ATG2B: variants seen among roughly 807,000 people sequenced by gnomAD.
ATG2B encodes the protein autophagy related 2B, also known as autophagy-related protein 2 homolog B.
Under a neutral mutation model 241.3 loss-of-function variants are expected in ATG2B, and 121 were observed. The ratio of observed to expected loss-of-function variants is 0.50; its 90% CI spans 0.43 to 0.58. ATG2B has a LOEUF of 0.58. Ranked by LOEUF, ATG2B falls within the 20% of genes least tolerant of loss-of-function variation. ATG2B has a pLI of 0.00. For missense variants in ATG2B, 2,306 were observed against 2,491.6 expected (o/e 0.93, Z 1.59); for synonymous variants, 858 against 876.6 (o/e 0.98, Z 0.37).
chr14:96,285,597 G>T lies in ATG2B; in HGVS notation c.*158C>A. On this transcript the variant is annotated 3_prime_UTR_variant, in exon 42 of 42. Coordinates refer to ENST00000359933, the MANE Select transcript of ATG2B (RefSeq NM_018036.7). The surrounding 1 kb of genome is among the most constrained non-coding windows in gnomAD (Gnocchi z 4.2). ...TCAACTATAAATGTCAGAAGTTTTT[G>T]GTTGCATGTTGTTTTGATGTTAAAT... 2 of 662,210 alleles carry T rather than the reference G, an allele frequency of 3.0e-6. No homozygotes were observed. The highest frequency in any genetic ancestry group is 2.0e-5 in the South Asian group (1 of 49,934). 41.0% of individuals were successfully genotyped at this position (662,210 alleles called of 1,614,324 possible).
At chr14:96,294,881 T>A in intron 36 of ATG2B, 79 bp downstream of exon 36, 3 of 1,293,206 alleles carry the variant, frequency 2.3e-6, no homozygotes, top group Non-Finnish European at 3.3e-6. Context: ...AACCTCATGA[T>A]TACCAGCACA....
In ATG2B at chr14:96,302,104, G is replaced by A. The variant is rs1230946744; in HGVS notation, c.5042C>T (p.Thr1681Ile). 1.9e-6 allele frequency: 3 copies of A among 1,606,194 alleles called. No homozygotes were observed. The highest frequency in any genetic ancestry group is 2.6e-6 in the Non-Finnish European group (3 of 1,173,556). Reference sequence around the variant, plus strand: ...TGGACACACGTGTAAGGCTTTCACTGTCAACTACAAGGCAAGAAAGAGAAT... The same window carrying A: ...TGGACACACGTGTAAGGCTTTCACTATCAACTACAAGGCAAGAAAGAGAAT... ...MPRKAHSNML[T>I]VKALHVCPES... Residue 1681 changes from threonine (T) to isoleucine (I), a missense_variant, in exon 34 of 42, where the codon ACA becomes ATA. Around this residue, in one of 2 missense-constraint regions of ATG2B, gnomAD observed 1,927 missense variants for 2,011.2 expected, o/e 0.96. Transcript: ENST00000359933.
At chr14:96,358,675 T>C (rs986713655) in intron 1 of ATG2B, among the ~76,000 whole-genome samples, 3 of 152,124 alleles carry the variant, frequency 2.0e-5, no homozygotes, top group Admixed American at 6.5e-5. Context: ...AGTATATGAG[T>C]AGTAAAAATT....
chr14:96,315,258 G>T, intron 22 of ATG2B, 24 bp from the exon 23 acceptor site: 1 of 1,602,320 alleles, frequency 6.2e-7, no homozygotes, highest in South Asian at 1.1e-5. Context: ...GACAAAGAAT[G>T]ACATTTACCA....
At chr14:96,339,212 A>C (rs942474341) in intron 6 of ATG2B, among the ~76,000 whole-genome samples, 4 of 152,074 alleles carry the variant, frequency 2.6e-5, no homozygotes, top group Admixed American at 2.6e-4. Context: ...TATGGAAAGC[A>C]GTATGGAAAT....
Position 96,322,687 on chromosome 14 carries a change from T to C in ATG2B, c.2589A>G (p.Arg863=), listed in dbSNP as rs760105077. 9.3e-6 allele frequency: 15 copies of C among 1,613,650 alleles called. No homozygotes were observed. Among genetic ancestry groups the C allele is most frequent in the Middle Eastern group, 1.7e-4 (1 of 6,056 alleles). ...TCTCCTCTTCTTCTTCAGCTGCAAT[T>C]CTCTCCAAAATGGAATGCATGGCTG... ...NPPAMHSILE[R]IAAEEEEEND... is the part of the protein sequence containing the mutation. Residue 863 remains arginine (R), a synonymous_variant, in exon 17 of 42, where the codon AGA becomes AGG. Coordinates refer to ENST00000359933, the MANE Select transcript of ATG2B (RefSeq NM_018036.7).
At chr14:96,340,103 A>ATATATATGAATATATATATC (rs1566731488) in intron 6 of ATG2B, among the ~76,000 whole-genome samples, 3 of 103,840 alleles carry the variant, frequency 2.9e-5, no homozygotes, top group South Asian at 6.1e-4. Flanking sequence ...TGCTATATAG[A>ATATATATGAATATATATATC]ATATATGATA....
At chr14:96,343,679 C>G (rs1321398013) in intron 4 of ATG2B, among the ~76,000 whole-genome samples, 2 of 152,146 alleles carry the variant, frequency 1.3e-5, no homozygotes, top group East Asian at 3.8e-4. Context: ...TGTACTCCCC[C>G]ACAAAACATC....
Position 96,334,509 on chromosome 14 carries a change from G to GAAAA in ATG2B, c.925-12_925-9dup. ...CTGTCCATCAACATCCAACTTAAGG[G>GAAAA]AAAAAAAAAAACTATTCATGAGGAG... On this transcript the variant is annotated splice_polypyrimidine_tract_variant and intron_variant, in intron 6 of 41. Coordinates refer to ENST00000359933, the MANE Select transcript of ATG2B (RefSeq NM_018036.7). 8.0e-7 allele frequency: 1 copy of GAAAA among 1,244,752 alleles called. No individual in the cohort carries two copies. The highest frequency in any genetic ancestry group is 1.1e-6 in the Non-Finnish European group (1 of 922,816). 77.1% of individuals were successfully genotyped at this position (1,244,752 alleles called of 1,614,324 possible).
Position 96,316,540 on chromosome 14 carries a change from G to T in ATG2B, c.3354C>A (p.Tyr1118Ter), listed in dbSNP as rs1297503959. The change falls in exon 21 of 42, where the codon TAC becomes TAA. Residue 1118 changes from tyrosine (Y) to a stop codon, truncating the protein, a stop_gained. Transcript: ENST00000359933. LOFTEE classifies it high-confidence loss of function. ...GACACGTGTTTGTCCTACCTTTATG[G>T]TACAGACTGAAACTGCTAGAATGAA... ...ICLHSSSFSL[Y>*]HKGIVNGVIL... 6.2e-7 allele frequency: 1 copy of T among 1,612,954 alleles called. No individual in the cohort carries two copies. The highest frequency in any genetic ancestry group is 1.3e-5 in the African/African-American group (1 of 74,846).
At chr14:96,317,071 CT>C (rs1392550110) in intron 20 of ATG2B, 73 bp downstream of exon 20, 25 of 1,316,832 alleles carry the variant, frequency 1.9e-5, no homozygotes, top group Non-Finnish European at 2.1e-5. Flanking sequence ...ACTTCAATCA[CT>C]AGATATGTAT....
chr14:96,315,101 G>A, intron 23 of ATG2B, 53 bp downstream of exon 23: 4 of 1,327,512 alleles, frequency 3.0e-6, no homozygotes, highest in South Asian at 2.5e-5. Context: ...ATGTGTATTA[G>A]ATGTCAACAC....
intron 10 of ATG2B, 85 bp from the exon 11 acceptor site, chr14:96,331,722 T>G: frequency 9.3e-7 from 1 of 1,074,570 alleles, no homozygotes; most frequent in African/African-American, 1.6e-5. Context: ...ATTTATTAGC[T>G]TTAAAAAACA....
chr14:96,326,701 T>A (rs1484250462), intron 14 of ATG2B, among the ~76,000 whole-genome samples: 3 of 152,166 alleles, frequency 2.0e-5, no homozygotes, highest in African/African-American at 7.2e-5. Context: ...ATTTGAAAAC[T>A]CCCTGCATAT....
chr14:96,328,955 G>A (rs1887658574), intron 12 of ATG2B, among the ~76,000 whole-genome samples, 189 bp from the exon 13 acceptor site: 1 of 152,222 alleles, frequency 6.6e-6, no homozygotes, highest in East Asian at 1.9e-4. Context: ...TAAAATGTAG[G>A]CGAGGATTCA....
chr14:96,304,663 ATGAATGACAT>A lies in ATG2B; in HGVS notation c.4734-70_4734-61del, dbSNP rs1886887403. The A allele has an allele frequency of 2.4e-6, 3 of 1,263,722 alleles. No individual in the cohort carries two copies. In the African/African-American group the frequency reaches 4.5e-5, roughly 19 times the overall value. The allele number at this position is 1,263,722 out of a possible 1,614,324, so 78.3% of individuals were successfully genotyped here. ...TTAAAGGAATATTCAAAGAAAGTCA[ATGAATGACAT>A]TAAGGAAAATGATAAGATGAAAGAC... is the stretch of plus-strand genomic sequence containing the variant. On this transcript the variant is annotated intron_variant, in intron 31 of 41. Coordinates refer to ENST00000359933, the MANE Select transcript of ATG2B (RefSeq NM_018036.7).
rs3759602 is a variant in ATG2B, at chr14:96,311,071, T to A, written c.4161+46A>T. On this transcript the variant is annotated intron_variant, in intron 28 of 41. Transcript: ENST00000359933. ...CATGAAGACCTCAATAATGTAAACA[T>A]GTCACGACATGGCAGGGACTGGAGG... The A allele has an allele frequency of 3.3e-6, 5 of 1,518,260 alleles. No individual in the cohort carries two copies. The Admixed American group carries it at 1.0e-4, about 30-fold the overall frequency. 94.0% of individuals were successfully genotyped at this position (1,518,260 alleles called of 1,614,324 possible). A position where few individuals can be genotyped will look rare whatever the true frequency, so the allele number is the denominator to read the frequency against.
chr14:96,297,108 TA>T (rs1422594699), intron 34 of ATG2B, among the ~76,000 whole-genome samples: 1 of 152,164 alleles, frequency 6.6e-6, no homozygotes, highest in Non-Finnish European at 1.5e-5. Context: ...TTTTATGTAT[TA>T]TTTCCATCAT....
intron 1 of ATG2B, among the ~76,000 whole-genome samples, chr14:96,348,245 A>C (rs1019048254): frequency 2.0e-5 from 3 of 152,258 alleles, no homozygotes; most frequent in African/African-American, 7.2e-5. Context: ...AGAAAAACAA[A>C]CTTTGCATGT....
Sources: gnomAD v4.1 joint callset for allele counts (sites outside exome capture counted in the v4.1 genomes callset) on GRCh38, gnomAD v4.1.1 for gene constraint, gnomAD v4.1.1 regional missense constraint, Gnocchi (gnomAD v3.1) non-coding constraint, MANE v1.5 for transcripts, NCBI Gene and HGNC (gene_info 2026-07-23, HGNC 2026-07-21) for gene names.